TRIOBP: variants seen among roughly 807,000 people sequenced by gnomAD.
The protein encoded by TRIOBP is TRIO and F-actin binding protein, also known as TRIO and F-actin-binding protein.
In TRIOBP, 169 loss-of-function variants were observed where a neutral mutation model predicts 238.8. The observed-to-expected ratio is 0.71, with a 90% CI of 0.62 to 0.80. TRIOBP has a LOEUF of 0.80. Among genes scored for constraint, TRIOBP ranks in the 30% least tolerant of loss-of-function variants. TRIOBP has a pLI of 0.00. For synonymous variants in TRIOBP, 1,150 were observed against 1,274.4 expected (o/e 0.90, Z 2.08); for missense variants, 2,838 against 3,122.6 (o/e 0.91, Z 2.17).
intron 9 of TRIOBP, among the ~76,000 whole-genome samples, chr22:37,737,331 C>T (rs959180489): frequency 6.6e-6 from 1 of 152,112 alleles, no homozygotes; most frequent in Non-Finnish European, 1.5e-5. Flanking sequence ...CCACCAGGTC[C>T]TGCTGGGGCT....
intron 7 of TRIOBP, among the ~76,000 whole-genome samples, chr22:37,726,912 G>GTTTTTTGT (rs542158843): frequency 3.4e-5 from 5 of 145,814 alleles, no homozygotes; most frequent in Admixed American, 3.4e-4. Context: ...TTTATTTTTT[G>GTTTTTTGT]TTTTTTTTTT....
chr22:37,740,826 A>G, intron 10 of TRIOBP, 69 bp from the exon 11 acceptor site: 1 of 1,548,278 alleles, frequency 6.5e-7, no homozygotes, highest in Non-Finnish European at 8.7e-7. Context: ...TGGGCAGGGG[A>G]GGCTGTAGCC....
intron 2 of TRIOBP, among the ~76,000 whole-genome samples, chr22:37,700,580 C>T (rs987610136): frequency 1.3e-5 from 2 of 152,214 alleles, no homozygotes; most frequent in Non-Finnish European, 2.9e-5. Context: ...CCTTGCCCAG[C>T]TAATTTTTGT....
At chr22:37,756,484 G>A (rs563213104) in intron 15 of TRIOBP, among the ~76,000 whole-genome samples, 1 of 152,328 alleles carries the variant, frequency 6.6e-6, no homozygotes, top group African/African-American at 2.4e-5. Context: ...GTCTGTACAT[G>A]TGCCAGGATG....
intron 5 of TRIOBP, 121 bp from the exon 6 acceptor site, chr22:37,715,642 C>T: frequency 1.7e-6 from 2 of 1,199,146 alleles, no homozygotes; most frequent in Non-Finnish European, 2.4e-6. Flanking sequence ...AGCGCCTGGC[C>T]AGGGAAGTGC....
intron 2 of TRIOBP, among the ~76,000 whole-genome samples, chr22:37,698,226 A>T (rs550782780): frequency 6.7e-6 from 1 of 148,968 alleles, no homozygotes; most frequent in African/African-American, 2.5e-5. Context: ...AAAGAAAGAA[A>T]GACACCAGGG....
rs964610675 is a variant in TRIOBP, at chr22:37,759,145, C to T, written c.6214-9C>T. 4 of 1,606,632 alleles carry T rather than the reference C, an allele frequency of 2.5e-6. No individual in the cohort carries two copies. Among genetic ancestry groups the T allele is most frequent in the Non-Finnish European group, 3.4e-6 (4 of 1,176,992 alleles). On this transcript the variant is annotated splice_polypyrimidine_tract_variant and intron_variant, in intron 16 of 23. Transcript: ENST00000644935. Reference sequence around the variant, plus strand: ...TCCAGGTCCCACTGACCACCCTTCTCCCTCGTAGGTTCAGGCTCTTCGGGC... The same window carrying T: ...TCCAGGTCCCACTGACCACCCTTCTTCCTCGTAGGTTCAGGCTCTTCGGGC...
In TRIOBP at chr22:37,734,898, G is replaced by T; in HGVS notation, c.4562G>T (p.Gly1521Val). The change falls in exon 9 of 24, where the codon GGC becomes GTC. Residue 1521 changes from glycine to valine, a missense_variant. Around this residue, in one of 5 missense-constraint regions of TRIOBP, gnomAD observed 2,096 missense variants for 2,137.4 expected, o/e 0.98. Transcript: ENST00000644935. ...PLTSPPENWG[G>V]PAESSQSWHS... ...ACGAGCCCCCCTGAGAACTGGGGAG[G>T]CCCCGCAGAGTCCTCACAATCCTGG... is the stretch of plus-strand genomic sequence containing the variant. 6.2e-7 allele frequency: 1 copy of T among 1,613,240 alleles called. No individual in the cohort carries two copies. The highest frequency in any genetic ancestry group is 8.5e-7 in the Non-Finnish European group (1 of 1,180,010).
chr22:37,719,462 G>A (rs1923709776), intron 6 of TRIOBP, among the ~76,000 whole-genome samples: 1 of 152,050 alleles, frequency 6.6e-6, no homozygotes, highest in Non-Finnish European at 1.5e-5. Flanking sequence ...TGAGGCTTCA[G>A]ATGCTCAGGG....
chr22:37,729,851 T>C (rs1438596199), intron 7 of TRIOBP, among the ~76,000 whole-genome samples: 1 of 152,242 alleles, frequency 6.6e-6, no homozygotes, highest in Non-Finnish European at 1.5e-5. Context: ...TGGAAAATTT[T>C]AAAACTGTGC....
chr22:37,749,750 C>A (rs1925479674), intron 11 of TRIOBP, among the ~76,000 whole-genome samples: 2 of 119,704 alleles, frequency 1.7e-5, no homozygotes, highest in African/African-American at 3.3e-5. Context: ...AGTTTGAAAC[C>A]AACCTGGGAA....
rs371110433 is a variant in TRIOBP, at chr22:37,725,876, A to G, written c.3320A>G (p.Gln1107Arg). The G allele has an allele frequency of 5.7e-5, 91 of 1,606,698 alleles. No homozygotes were observed. Among genetic ancestry groups the G allele is most frequent in the Middle Eastern group, 1.6e-4 (1 of 6,068 alleles). Reference sequence around the variant, plus strand: ...CAGTCCCCCCAACACGAGCCCCTTCAGCTCCCTGCACCTGTGTGTATTGGG... The same window carrying G: ...CAGTCCCCCCAACACGAGCCCCTTCGGCTCCCTGCACCTGTGTGTATTGGG... Reference protein sequence around the residue: ...QCQSPQHEPLQLPAPVCIGYR... With the variant: ...QCQSPQHEPLRLPAPVCIGYR... The change falls in exon 7 of 24, where the codon CAG (glutamine) becomes CGG (arginine). Residue 1107 changes from glutamine (Q) to arginine (R), a missense_variant. By Grantham distance (43) the Gln-to-Arg change is conservative. Coordinates refer to ENST00000644935, the MANE Select transcript of TRIOBP (RefSeq NM_001039141.3).
rs73411515 is a variant in TRIOBP at position 37,758,406 on chromosome 22, G to C, written c.6213+268G>C. The stretch of plus-strand genomic sequence containing the variant: ...GGGAAGAGAAGGGAGAGACCTGCCA[G>C]GCTCACACCTGTAATCCTAACATTT... On this transcript the variant is annotated intron_variant, in intron 16 of 23. Coordinates refer to ENST00000644935, the MANE Select transcript of TRIOBP (RefSeq NM_001039141.3). Among the ~76,000 whole-genome samples the C allele has an allele frequency of 0.041, 6,184 of 152,296 alleles. 168 individuals carry two copies. Among genetic ancestry groups the C allele is most frequent in the Middle Eastern group, 0.082 (24 of 294 alleles).
intron 15 of TRIOBP, 103 bp downstream of exon 15, chr22:37,755,762 C>T (rs891327536): frequency 1.6e-5 from 15 of 919,484 alleles, no homozygotes; most frequent in African/African-American, 4.9e-5. Context: ...TCTGGGCCCT[C>T]GTTTCTCTGT....
intron 15 of TRIOBP, among the ~76,000 whole-genome samples, chr22:37,756,429 C>T (rs577598069): frequency 1.3e-5 from 2 of 152,340 alleles, no homozygotes; most frequent in African/African-American, 2.4e-5. Flanking sequence ...CAGAGGCTTT[C>T]CTGTCTAGGT....
Position 37,768,124 on chromosome 22 carries a change from A to G in TRIOBP, c.6523A>G (p.Ser2175Gly). 6.2e-7 allele frequency: 1 copy of G among 1,613,770 alleles called. No individual in the cohort carries two copies. Among genetic ancestry groups the G allele is most frequent in the Non-Finnish European group, 8.5e-7 (1 of 1,179,852 alleles). The change falls in exon 19 of 24, where the codon AGC (serine) becomes GGC (glycine). Residue 2175 changes from serine to glycine, a missense_variant. Transcript: ENST00000644935. ...AYQEELSREL[S>G]KTRSLQQGPD... ...CCAGGAAGAGCTGAGCCGAGAGCTGAGCAAAACACGGAGTCTCCAGCAGGG... is the reference window on the plus strand; with the variant it reads ...CCAGGAAGAGCTGAGCCGAGAGCTGGGCAAAACACGGAGTCTCCAGCAGGG...
intron 17 of TRIOBP, among the ~76,000 whole-genome samples, chr22:37,763,979 G>A (rs1240279661): frequency 6.6e-6 from 1 of 152,216 alleles, no homozygotes; most frequent in African/African-American, 2.4e-5. Context: ...TTCAAAGCCT[G>A]CAGAGGGGAA....
chr22:37,758,126 A>G lies in TRIOBP; in HGVS notation c.6201A>G (p.Ala2067=), dbSNP rs771161921. The G allele has an allele frequency of 2.5e-6, 4 of 1,610,888 alleles. No homozygotes were observed. The South Asian group carries it at 3.3e-5, about 13-fold the overall frequency. ...RRGPPSDGHE[A]LEKEVQALRA... is the part of the protein sequence containing the mutation. ...GGCCCCCAAGTGACGGCCACGAGGC[A>G]CTGGAGAAGGAGGTAGGCACCACGG... Residue 2067 remains alanine (A), a synonymous_variant, in exon 16 of 24, where the codon GCA becomes GCG. Coordinates refer to ENST00000644935, the MANE Select transcript of TRIOBP (RefSeq NM_001039141.3).
At chr22:37,729,253 G>A (rs1200411955) in intron 7 of TRIOBP, among the ~76,000 whole-genome samples, 3 of 149,658 alleles carry the variant, frequency 2.0e-5, no homozygotes, top group Admixed American at 6.7e-5. Context: ...GTCTTGCTTT[G>A]TCACCCAGCA....
Sources: gnomAD v4.1 joint callset for allele counts (sites outside exome capture counted in the v4.1 genomes callset) on GRCh38, gnomAD v4.1.1 for gene constraint, gnomAD v4.1.1 regional missense constraint, MANE v1.5 for transcripts, NCBI Gene and HGNC (gene_info 2026-07-23, HGNC 2026-07-21) for gene names.